LAMA5: variants seen among roughly 807,000 people sequenced by gnomAD.
LAMA5 encodes the protein laminin subunit alpha-5.
Under a neutral mutation model 433.4 loss-of-function variants are expected in LAMA5, and 260 were observed. The observed-to-expected ratio is 0.60, with a 90% CI of 0.54 to 0.66. The LOEUF (loss-of-function observed/expected upper bound fraction) is 0.66. Ranked by LOEUF, LAMA5 falls within the 30% of genes least tolerant of loss-of-function variation. LAMA5 has a pLI of 0.00. For synonymous variants in LAMA5, 2,620 were observed against 2,226.6 expected (o/e 1.18, Z -4.97); for missense variants, 5,378 against 5,258.5 (o/e 1.02, Z -0.70).
chr20:62,357,401 T>A (rs1985401292), intron 2 of LAMA5, among the ~76,000 whole-genome samples: 2 of 152,210 alleles, frequency 1.3e-5, no homozygotes, highest in African/African-American at 4.8e-5. Flanking sequence ...GCCCCCTCGA[T>A]GCCCAGAGTC....
chr20:62,326,041 C>T (rs992180702), intron 40 of LAMA5, among the ~76,000 whole-genome samples: 3 of 151,880 alleles, frequency 2.0e-5, no homozygotes, highest in Non-Finnish European at 2.9e-5. Context: ...GCCAACACGG[C>T]GAAACCCCAT....
In LAMA5 at chr20:62,311,213, G is replaced by A; in HGVS notation, c.10037C>T (p.Ser3346Phe). ...TTRDSYQFGGSLSSHLEFVGI... is the reference protein window; with the variant it reads ...TTRDSYQFGGFLSSHLEFVGI... The stretch of plus-strand genomic sequence containing the variant: ...CACAAACTCCAGGTGACTGGACAGG[G>A]AACCCCCAAACTGGTAGGAGTCTCG... The change falls in exon 73 of 80, where the codon TCC (serine) becomes TTC (phenylalanine). Residue 3346 changes from serine to phenylalanine, a missense_variant. Coordinates refer to ENST00000252999, the MANE Select transcript of LAMA5 (RefSeq NM_005560.6). 3.7e-6 allele frequency: 6 copies of A among 1,610,356 alleles called. No individual in the cohort carries two copies. Among genetic ancestry groups the A allele is most frequent in the Non-Finnish European group, 5.1e-6 (6 of 1,178,922 alleles).
chr20:62,319,171 GC>G, intron 51 of LAMA5, 158 bp from the exon 52 acceptor site: 1 of 672,184 alleles, frequency 1.5e-6, no homozygotes, highest in Non-Finnish European at 2.5e-6. Flanking sequence ...CTGGCGAAAG[GC>G]CACAGCTGCC....
rs1978973281 is a variant in LAMA5, at chr20:62,324,837, G to A, written c.5530-283C>T. The A allele has an allele frequency of 8.1e-6, 4 of 494,130 alleles. No homozygotes were observed. The highest frequency in any genetic ancestry group is 1.1e-5 in the Non-Finnish European group (3 of 269,966). 30.6% of individuals were successfully genotyped at this position (494,130 alleles called of 1,614,324 possible). A position where few individuals can be genotyped will look rare whatever the true frequency, so the allele number is the denominator to read the frequency against. ...TGGGGCTGGTGACCACCCACTCCAT[G>A]TGGACCAGGGCCTACTCTTTCCACT... On this transcript the variant is annotated intron_variant, in intron 41 of 79. Transcript: ENST00000252999. This position sits in a 1 kb window ranked among gnomAD's most constrained non-coding sequence, Gnocchi z 4.4.
chr20:62,316,547 C>G (rs1462102329), intron 57 of LAMA5, 124 bp downstream of exon 57: 6 of 712,940 alleles, frequency 8.4e-6, no homozygotes, highest in Non-Finnish European at 1.1e-5. Flanking sequence ...CCAAAGCTCT[C>G]CCACCCCAAA....
At position 62,310,457 on chromosome 20, in the gene LAMA5, C is replaced by T; in HGVS notation, c.10562G>A (p.Gly3521Asp). ...TCCCCCGCTGCCTGGGAAGAACAGG[C>T]CCGCCTCCAGGGGGCCCAAGATGCA... is the stretch of plus-strand genomic sequence containing the variant. ...TPCILGPLEA[G>D]LFFPGSGGVI... Residue 3521 changes from glycine to aspartate, a missense_variant, in exon 76 of 80, where the codon GGC becomes GAC. Physicochemically the swap from Gly to Asp is moderately conservative, Grantham distance 94. Coordinates refer to ENST00000252999, the MANE Select transcript of LAMA5 (RefSeq NM_005560.6). 1 of 1,601,584 alleles carries T rather than the reference C, an allele frequency of 6.2e-7. No homozygotes were observed. The highest frequency in any genetic ancestry group is 8.5e-7 in the Non-Finnish European group (1 of 1,175,544).
At position 62,328,421 on chromosome 20, in the gene LAMA5, C is replaced by G; in HGVS notation, c.4472G>C (p.Cys1491Ser). Reference sequence around the variant, plus strand: ...GATGCACTGGCCCGTGAGCTCGTCACAGAGGCGGGCACCGCAGTCACAGGC... The same window carrying G: ...GATGCACTGGCCCGTGAGCTCGTCAGAGAGGCGGGCACCGCAGTCACAGGC... ...CRPCDCGARLCDELTGQCICP... is the reference protein window; with the variant it reads ...CRPCDCGARLSDELTGQCICP... The change falls in exon 35 of 80, where the codon TGT (cysteine) becomes TCT (serine). Residue 1491 changes from cysteine to serine, a missense_variant. By Grantham distance (112) the Cys-to-Ser change is moderately radical. Coordinates refer to ENST00000252999, the MANE Select transcript of LAMA5 (RefSeq NM_005560.6). 2 of 1,514,600 alleles carry G rather than the reference C, an allele frequency of 1.3e-6. No individual in the cohort carries two copies. The highest frequency in any genetic ancestry group is 1.8e-6 in the Non-Finnish European group (2 of 1,124,734). 93.8% of individuals were successfully genotyped at this position (1,514,600 alleles called of 1,614,324 possible). A position where few individuals can be genotyped will look rare whatever the true frequency, so the allele number is the denominator to read the frequency against.
intron 2 of LAMA5, among the ~76,000 whole-genome samples, chr20:62,357,255 G>A (rs1377161870): frequency 2.0e-5 from 3 of 152,188 alleles, no homozygotes; most frequent in Non-Finnish European, 4.4e-5. Flanking sequence ...GGATCACAGC[G>A]GTCTGTGACT....
intron 67 of LAMA5, 21 bp from the exon 68 acceptor site, chr20:62,312,553 G>A (rs377086840): frequency 1.1e-4 from 171 of 1,598,938 alleles, no homozygotes; most frequent in Admixed American, 3.3e-4. Context: ...GCGGGGATGC[G>A]GGTCAGGGCG....
At chr20:62,309,868 G>A (rs1222746306) in intron 78 of LAMA5, 33 bp from the exon 79 acceptor site, 2 of 1,609,754 alleles carry the variant, frequency 1.2e-6, no homozygotes, top group South Asian at 1.1e-5. Context: ...AGGCCAGGTG[G>A]TCCTCAGCCC....
Position 62,316,768 on chromosome 20 carries a change from C to A in LAMA5, c.7659G>T (p.Val2553=). 2 of 1,604,366 alleles carry A rather than the reference C, an allele frequency of 1.2e-6. No individual in the cohort carries two copies. Among genetic ancestry groups the A allele is most frequent in the East Asian group, 2.2e-5 (1 of 44,642 alleles). ...LQQADHTWAT[V]VRQGLVDRAQ... ...CTCGGTCCACCAGGCCCTGCCGCAC[C>A]ACCGTCTGTGGATGCCAGGGCAGAC... The change falls in exon 57 of 80, where the codon GTG becomes GTT. Residue 2553 remains valine (V), a synonymous_variant. Coordinates refer to ENST00000252999, the MANE Select transcript of LAMA5 (RefSeq NM_005560.6).
chr20:62,349,270 CAAAAAA>C (rs35537683), intron 6 of LAMA5, among the ~76,000 whole-genome samples: 2 of 46,604 alleles, frequency 4.3e-5, no homozygotes, highest in East Asian at 7.9e-4. Context: ...GACTCCATCT[CAAAAAA>C]AAAAAAAAAA....
At chr20:62,349,575 T>C (rs1226591101) in intron 6 of LAMA5, among the ~76,000 whole-genome samples, 3 of 131,848 alleles carry the variant, frequency 2.3e-5, no homozygotes, top group Non-Finnish European at 4.7e-5. Context: ...TTCAGACAAT[T>C]CCGGATAGAC....
chr20:62,337,641 GC>G lies in LAMA5; in HGVS notation c.2112del (p.Leu705CysfsTer61). On this transcript the variant is annotated frameshift_variant, in exon 16 of 80. Coordinates refer to ENST00000252999, the MANE Select transcript of LAMA5 (RefSeq NM_005560.6). LOFTEE classifies it high-confidence loss of function. ...CCGGGCACACATGTGTCACACCGCAGCCCCGTCACACGGGGCCGGCAGCTGC... is the reference window on the plus strand; with the variant it reads ...CCGGGCACACATGTGTCACACCGCAGCCCGTCACACGGGGCCGGCAGCTGC... ...GQCSCRPRVT[G>X]LRCDTCVPGA... is the part of the protein sequence containing the mutation. The G allele has an allele frequency of 6.2e-7, 1 of 1,612,264 alleles. No homozygotes were observed. Among genetic ancestry groups the G allele is most frequent in the Non-Finnish European group, 8.5e-7 (1 of 1,179,756 alleles).
chr20:62,327,271 G>A lies in LAMA5; in HGVS notation c.5074C>T (p.Leu1692=). The A allele has an allele frequency of 6.4e-7, 1 of 1,560,456 alleles. No individual in the cohort carries two copies. The highest frequency in any genetic ancestry group is 8.7e-7 in the Non-Finnish European group (1 of 1,152,966). The part of the protein sequence containing the change: ...PEAVPEAFPE[L]YWQAPPSYLG... ...TAGGAGGGTGGGGCCTGCCAGTACAGCTCGGGGAAAGCCTCGGGCACAGCC... is the reference window on the plus strand; with the variant it reads ...TAGGAGGGTGGGGCCTGCCAGTACAACTCGGGGAAAGCCTCGGGCACAGCC... The change falls in exon 38 of 80, where the codon CTG becomes TTG. Residue 1692 remains leucine, a synonymous_variant. Transcript: ENST00000252999.
chr20:62,319,024 G>T lies in LAMA5; in HGVS notation c.6872-11C>A. The T allele has an allele frequency of 6.4e-7, 1 of 1,554,950 alleles. No homozygotes were observed. Among genetic ancestry groups the T allele is most frequent in the South Asian group, 1.2e-5 (1 of 84,656 alleles). ...TCTGGGACATGAGCTCTGTGGGGCA[G>T]GGGTTCGTCAGAGCCTGGGGCCGCC... On this transcript the variant is annotated splice_polypyrimidine_tract_variant and intron_variant, in intron 51 of 79. Coordinates refer to ENST00000252999, the MANE Select transcript of LAMA5 (RefSeq NM_005560.6).
In LAMA5 at chr20:62,322,544, T is replaced by C. The variant is rs568637113; in HGVS notation, c.6166-95A>G. 171 of 1,439,484 alleles carry C rather than the reference T, an allele frequency of 1.2e-4. 1 individual carries two copies. The highest frequency in any genetic ancestry group is 7.9e-4 in the South Asian group (63 of 79,382). 89.2% of individuals were successfully genotyped at this position (1,439,484 alleles called of 1,614,324 possible). A position where few individuals can be genotyped will look rare whatever the true frequency, so the allele number is the denominator to read the frequency against. ...GTCCTGCCCATCTGGCCCCACCCCC[T>C]GAGGCTCTGCCCATCAAACACTGCC... is the stretch of plus-strand genomic sequence containing the variant. On this transcript the variant is annotated intron_variant, in intron 46 of 79. Transcript: ENST00000252999.
intron 48 of LAMA5, among the ~76,000 whole-genome samples, chr20:62,321,140 G>A (rs889501656): frequency 9.2e-5 from 13 of 141,260 alleles, no homozygotes; most frequent in African/African-American, 3.5e-4. Flanking sequence ...GGTTGGGGCC[G>A]GAGGTGGGGC....
chr20:62,329,089 C>T lies in LAMA5; in HGVS notation c.4236-34G>A, dbSNP rs200959601. The T allele has an allele frequency of 1.0e-4, 163 of 1,611,886 alleles. 1 individual carries two copies. Among genetic ancestry groups the T allele is most frequent in the East Asian group, 8.2e-4 (37 of 44,870 alleles). On this transcript the variant is annotated intron_variant, in intron 33 of 79. Coordinates refer to ENST00000252999, the MANE Select transcript of LAMA5 (RefSeq NM_005560.6). The stretch of plus-strand genomic sequence containing the variant: ...AGGGGCACGTGGTGAGGCCAGCTCC[C>T]GGCCCAGACCCCCACCCCGGACCCC...
Sources: allele counts gnomAD v4.1 joint callset (sites outside exome capture counted in the v4.1 genomes callset), GRCh38; gene constraint gnomAD v4.1.1; non-coding constraint Gnocchi (gnomAD v3.1); transcripts MANE v1.5; gene names NCBI Gene and HGNC (gene_info 2026-07-23, HGNC 2026-07-21).